The following EXOSC2 variants were observed in gnomAD, a reference collection of about 807,000 sequenced individuals.
The protein encoded by EXOSC2 is exosome component 2.
In EXOSC2, 29 loss-of-function variants were observed where a neutral mutation model predicts 37.6. The ratio of observed to expected loss-of-function variants is 0.77; its 90% confidence interval spans 0.57 to 1.05. The LOEUF is 1.05. Among genes scored for constraint, EXOSC2 ranks in the 50% least tolerant of loss-of-function variants. EXOSC2 has a pLI of 0.00. For missense variants in EXOSC2, 346 were observed against 365.6 expected, an observed-to-expected ratio of 0.95 and a Z score of 0.44; for synonymous variants, 119 against 131.1, an observed-to-expected ratio of 0.91 and a Z score of 0.63.
At position 130,693,844 on chromosome 9, in the gene EXOSC2, T is replaced by A; in HGVS notation, c.53T>A (p.Leu18Gln). 6.2e-7 allele frequency: 1 copy of A among 1,610,216 alleles called. No homozygotes were observed. Among genetic ancestry groups the A allele is most frequent in the Non-Finnish European group, 8.5e-7 (1 of 1,178,010 alleles). The change falls in exon 1 of 9, where the codon CTG becomes CAG. Residue 18 changes from leucine to glutamine, a missense_variant. Coordinates refer to ENST00000372358, the MANE Select transcript of EXOSC2 (RefSeq NM_014285.7). ...GCTCGCAAGCCTCTTAGCGAGAGACTGGGCCGCGACACTAAGAAACATCTA... is the reference window on the plus strand; with the variant it reads ...GCTCGCAAGCCTCTTAGCGAGAGACAGGGCCGCGACACTAAGAAACATCTA... ...PVARKPLSERLGRDTKKHLVV... is the reference protein window; with the variant it reads ...PVARKPLSERQGRDTKKHLVV...
Position 130,703,811 on chromosome 9 carries a change from A to C in EXOSC2, c.*37A>C. On this transcript the variant is annotated 3_prime_UTR_variant, in exon 9 of 9. Coordinates refer to ENST00000372358, the MANE Select transcript of EXOSC2 (RefSeq NM_014285.7). Reference sequence around the variant, plus strand: ...AGAAGCACGGGACTGTGGACCTTGCAGGAGTGAAGACTGTGATGTGTGGTC... The same window carrying C: ...AGAAGCACGGGACTGTGGACCTTGCCGGAGTGAAGACTGTGATGTGTGGTC... The C allele has an allele frequency of 6.5e-7, 1 of 1,530,480 alleles. No individual in the cohort carries two copies. Among genetic ancestry groups the C allele is most frequent in the Non-Finnish European group, 9.0e-7 (1 of 1,109,522 alleles). 94.8% of individuals were successfully genotyped at this position (1,530,480 alleles called of 1,614,324 possible).
rs778394466 is a variant in EXOSC2, at chr9:130,695,505, T to G, written c.136T>G (p.Tyr46Asp). The change falls in exon 2 of 9, where the codon TAT becomes GAT. Residue 46 changes from tyrosine (Y) to aspartate (D), a missense_variant. Physicochemically the swap from Tyr to Asp is radical, Grantham distance 160 (BLOSUM62 -3). Transcript: ENST00000372358. ...GCCTTGCATCAGGGGCCATGGAACG[T>G]ATATGGGAGAAGAGAAGCTCATTGC... Reference protein sequence around the residue: ...DTGFMRGHGTYMGEEKLIASV... With the variant: ...DTGFMRGHGTDMGEEKLIASV... 11 of 1,614,076 alleles carry G rather than the reference T, an allele frequency of 6.8e-6. No homozygotes were observed. The highest frequency in any genetic ancestry group is 7.6e-6 in the Non-Finnish European group (9 of 1,179,948).
chr9:130,693,985 C>T, intron 1 of EXOSC2, 72 bp downstream of exon 1: 14 of 1,504,158 alleles, frequency 9.3e-6, no homozygotes, highest in East Asian at 2.4e-5. Context: ...GTCCAGGCCT[C>T]GTATCCCTGT....
At chr9:130,700,429 G>A (rs1042817940) in intron 5 of EXOSC2, among the ~76,000 whole-genome samples, 3 of 151,124 alleles carry the variant, frequency 2.0e-5, no homozygotes, top group South Asian at 2.1e-4. Context: ...GTGGGATCTC[G>A]GCTCACTGCA....
intron 6 of EXOSC2, 188 bp from the exon 7 acceptor site, chr9:130,701,946 T>C: frequency 7.1e-7 from 1 of 1,408,698 alleles, no homozygotes. Context: ...TGCTGGGATG[T>C]ATGAATAGCC....
chr9:130,699,693 G>A (rs1831169976), intron 5 of EXOSC2: 4 of 362,318 alleles, frequency 1.1e-5, no homozygotes, highest in Non-Finnish European at 2.1e-5. Flanking sequence ...TGGAGAAGGT[G>A]TTGTTCACGT....
chr9:130,693,859 A>G lies in EXOSC2; in HGVS notation c.68A>G (p.Lys23Arg), dbSNP rs1483286566. The change falls in exon 1 of 9, where the codon AAG becomes AGG. Residue 23 changes from lysine to arginine, a missense_variant. Transcript: ENST00000372358. ...AGCGAGAGACTGGGCCGCGACACTA[A>G]GAAACATCTAGTGGTGCCGGGGGAT... The part of the protein sequence containing the change: ...PLSERLGRDT[K>R]KHLVVPGDTI... 4 of 1,613,062 alleles carry G rather than the reference A, an allele frequency of 2.5e-6. No individual in the cohort carries two copies. Among genetic ancestry groups the G allele is most frequent in the Admixed American group, 1.7e-5 (1 of 59,960 alleles).
At chr9:130,695,643 AC>A in intron 2 of EXOSC2, 50 bp downstream of exon 2, 1 of 1,559,706 alleles carries the variant, frequency 6.4e-7, no homozygotes. Flanking sequence ...AGGTTGTACA[AC>A]CAGGCTTTTC....
rs371298052 is a variant in EXOSC2 at position 130,697,645 on chromosome 9, T to C, written c.270+18T>C. The C allele has an allele frequency of 2.5e-6, 4 of 1,613,198 alleles. No homozygotes were observed. In the African/African-American group the frequency reaches 5.3e-5, roughly 22 times the overall value. ...TCACAGAGGTAACGTCGATATCAGA[T>C]TGGTGTTTACAAAGTCGAGGCAGGC... On this transcript the variant is annotated intron_variant, in intron 3 of 8. Coordinates refer to ENST00000372358, the MANE Select transcript of EXOSC2 (RefSeq NM_014285.7).
At position 130,698,396 on chromosome 9, in the gene EXOSC2, T is replaced by G. The variant is rs576266883; in HGVS notation, c.360+145T>G. On this transcript the variant is annotated intron_variant, in intron 4 of 8. Transcript: ENST00000372358. This position sits in a 1 kb window ranked among gnomAD's most constrained non-coding sequence, Gnocchi z 4.1. The stretch of plus-strand genomic sequence containing the variant: ...TCTGCTGTGAAGTTTGCTGCCTAGA[T>G]GTGTATGTAGACTTTTCACCCTGTC... The G allele has an allele frequency of 7.7e-4, 516 of 673,370 alleles. No individual in the cohort carries two copies. The highest frequency in any genetic ancestry group is 9.3e-4 in the Non-Finnish European group (363 of 391,290). 41.7% of individuals were successfully genotyped at this position (673,370 alleles called of 1,614,324 possible).
rs113493771 is a variant in EXOSC2, at chr9:130,694,632, A to T, written c.122+719A>T. Among the ~76,000 whole-genome samples, 64 of 152,156 alleles carry T rather than the reference A, an allele frequency of 4.2e-4. 1 individual carries two copies. The highest frequency in any genetic ancestry group is 1.4e-3 in the African/African-American group (58 of 41,518). ...TAGTGTTTCAACCTTTATTATTATT[A>T]TTTTTTTACTTGTATATGTACAAGG... On this transcript the variant is annotated intron_variant, in intron 1 of 8. Coordinates refer to ENST00000372358, the MANE Select transcript of EXOSC2 (RefSeq NM_014285.7). This position sits in a 1 kb window ranked among gnomAD's most constrained non-coding sequence, Gnocchi z 4.0.
chr9:130,699,034 G>T (rs977720293), intron 4 of EXOSC2, among the ~76,000 whole-genome samples: 4 of 152,150 alleles, frequency 2.6e-5, no homozygotes, highest in African/African-American at 7.2e-5. Context: ...ACCACAGAGG[G>T]CTGTCATGGA....
chr9:130,702,683 C>T (rs568324023), intron 7 of EXOSC2, among the ~76,000 whole-genome samples: 1 of 152,300 alleles, frequency 6.6e-6, no homozygotes, highest in South Asian at 2.1e-4. Context: ...CAAGCTCCAC[C>T]TCCTGGGTTC....
chr9:130,702,130 T>A lies in EXOSC2; in HGVS notation c.496-4T>A. The A allele has an allele frequency of 6.2e-7, 1 of 1,613,044 alleles. No individual in the cohort carries two copies. Among genetic ancestry groups the A allele is most frequent in the Non-Finnish European group, 8.5e-7 (1 of 1,179,670 alleles). ...TGACCTAGCTTCGTGATATATTTCT[T>A]TAGCTAGGTCAGGGGGTTTTGGTCC... On this transcript the variant is annotated splice_region_variant and splice_polypyrimidine_tract_variant and intron_variant, in intron 6 of 8. Coordinates refer to ENST00000372358, the MANE Select transcript of EXOSC2 (RefSeq NM_014285.7).
Position 130,699,441 on chromosome 9 carries a change from C to G in EXOSC2, c.426+47C>G, listed in dbSNP as rs760806358. The G allele has an allele frequency of 5.1e-6, 8 of 1,562,924 alleles. No individual in the cohort carries two copies. The Admixed American group carries it at 1.0e-4, about 20-fold the overall frequency. On this transcript the variant is annotated intron_variant, in intron 5 of 8. Coordinates refer to ENST00000372358, the MANE Select transcript of EXOSC2 (RefSeq NM_014285.7). ...AGCCTCTTGATGCTTTTCTGTGGGACTGGGAAATGGGCCTTCCATTGTATG... is the reference window on the plus strand; with the variant it reads ...AGCCTCTTGATGCTTTTCTGTGGGAGTGGGAAATGGGCCTTCCATTGTATG...
In EXOSC2 at chr9:130,704,821, G is replaced by C. The variant is rs1463565211; in HGVS notation, c.*1047G>C. 1 of 152,160 alleles carries C rather than the reference G, an allele frequency of 6.6e-6. No individual in the cohort carries two copies. The highest frequency in any genetic ancestry group is 1.5e-5 in the Non-Finnish European group (1 of 68,044). 9.4% of individuals were successfully genotyped at this position (152,160 alleles called of 1,614,324 possible). A position where few individuals can be genotyped will look rare whatever the true frequency, so the allele number is the denominator to read the frequency against. On this transcript the variant is annotated 3_prime_UTR_variant, in exon 9 of 9. Coordinates refer to ENST00000372358, the MANE Select transcript of EXOSC2 (RefSeq NM_014285.7). ...GGAGCATTAACTTGTGGATGATTCA[G>C]AGTTAAAAGATAAAAAGACGCCAGA...
At chr9:130,693,979 A>G (rs1251483318) in intron 1 of EXOSC2, 66 bp downstream of exon 1, 1 of 1,523,116 alleles carries the variant, frequency 6.6e-7, no homozygotes, top group Non-Finnish European at 8.9e-7. Context: ...CACGTGGTCC[A>G]GGCCTCGTAT....
At chr9:130,699,521 GTCGGGC>G in intron 5 of EXOSC2, 127 bp downstream of exon 5, 1 of 939,682 alleles carries the variant, frequency 1.1e-6, no homozygotes, top group Admixed American at 1.8e-5. Context: ...TAGACCAAGT[GTCGGGC>G]TCTGCTGCAT....
chr9:130,701,285 G>C (rs1831210452), intron 6 of EXOSC2: 3 of 219,992 alleles, frequency 1.4e-5, no homozygotes, highest in Non-Finnish European at 9.1e-6. Flanking sequence ...TGGGAACAAA[G>C]GCAGGCTGGG....
Sources: allele counts gnomAD v4.1 joint callset (sites outside exome capture counted in the v4.1 genomes callset), GRCh38; gene constraint gnomAD v4.1.1; non-coding constraint Gnocchi (gnomAD v3.1); transcripts MANE v1.5; gene names NCBI Gene and HGNC (gene_info 2026-07-23, HGNC 2026-07-21).